Variants in HLCS observed in about 807,000 individuals in gnomAD.
HLCS encodes holocarboxylase synthetase, also known as biotin--protein ligase.
A neutral mutation model predicts 75.0 loss-of-function variants in HLCS; 53 were observed. The ratio of observed to expected loss-of-function variants is 0.71; its 90% confidence interval spans 0.57 to 0.89. HLCS has a LOEUF of 0.89. Among genes scored for constraint, HLCS ranks in the 40% least tolerant of loss-of-function variants. HLCS has a pLI of 0.00. For synonymous variants in HLCS, 431 were observed against 428.6 expected, an observed-to-expected ratio of 1.01 and a Z score of -0.07; for missense variants, 966 against 1,074.0, an observed-to-expected ratio of 0.90 and a Z score of 1.41.
intron 2 of HLCS, among the ~76,000 whole-genome samples, chr21:36,944,832 C>T (rs1471998796): frequency 1.3e-5 from 2 of 152,130 alleles, no homozygotes; most frequent in Admixed American, 1.3e-4. Flanking sequence ...AAATGTTGCA[C>T]TATTCCTTGG....
At chr21:36,801,088 C>A (rs917783717) in intron 6 of HLCS, among the ~76,000 whole-genome samples, 3 of 152,160 alleles carry the variant, frequency 2.0e-5, no homozygotes, top group African/African-American at 7.2e-5. Context: ...TGACATGGGA[C>A]ATGCCGGAAA....
chr21:36,848,222 C>CAATGTATG (rs1382539545), intron 6 of HLCS, among the ~76,000 whole-genome samples: 1 of 150,646 alleles, frequency 6.6e-6, no homozygotes, highest in Non-Finnish European at 1.5e-5. Context: ...TAATTCTGCA[C>CAATGTATG]AATGTATGAG....
intron 6 of HLCS, among the ~76,000 whole-genome samples, chr21:36,827,420 A>C (rs2062042698): frequency 6.6e-6 from 1 of 151,790 alleles, no homozygotes; most frequent in Non-Finnish European, 1.5e-5. Flanking sequence ...AATACAAAAA[A>C]AAAATTAGCC....
At chr21:36,989,951 C>A (rs1360739391) in intron 1 of HLCS, among the ~76,000 whole-genome samples, 1 of 152,040 alleles carries the variant, frequency 6.6e-6, no homozygotes, top group Non-Finnish European at 1.5e-5. Context: ...GCCGCGAGGT[C>A]CCTATGGCTG....
chr21:36,816,970 T>G (rs973141749), intron 6 of HLCS, among the ~76,000 whole-genome samples: 8 of 152,306 alleles, frequency 5.3e-5, no homozygotes, highest in Admixed American at 1.3e-4. Context: ...CAGATCCCAG[T>G]AAGACTTTCA....
intron 6 of HLCS, among the ~76,000 whole-genome samples, chr21:36,886,106 T>TG: frequency 1.3e-5 from 2 of 151,790 alleles, no homozygotes; most frequent in Admixed American, 1.3e-4. Flanking sequence ...CCTCAAAAGA[T>TG]GAAGACTGCC....
rs886057072 is a variant in HLCS at position 36,753,467 on chromosome 21, T to A, written c.*779A>T. ...ACCTCCTCATCCAAGTGATGCCTAATCAGACATTTAAGGATTCTGAACTTG... is the reference window on the plus strand; with the variant it reads ...ACCTCCTCATCCAAGTGATGCCTAAACAGACATTTAAGGATTCTGAACTTG... On this transcript the variant is annotated 3_prime_UTR_variant, in exon 11 of 11. Coordinates refer to ENST00000674895, the MANE Select transcript of HLCS (RefSeq NM_001352514.2). This position sits in a 1 kb window ranked among gnomAD's most constrained non-coding sequence, Gnocchi z 4.3. 4 of 152,288 alleles carry A rather than the reference T, an allele frequency of 2.6e-5. No homozygotes were observed. The highest frequency in any genetic ancestry group is 4.8e-5 in the African/African-American group (2 of 41,470). 9.4% of individuals were successfully genotyped at this position (152,288 alleles called of 1,614,324 possible).
At chr21:36,984,517 G>A (rs1386482717) in intron 1 of HLCS, among the ~76,000 whole-genome samples, 1 of 152,186 alleles carries the variant, frequency 6.6e-6, no homozygotes, top group Non-Finnish European at 1.5e-5. Flanking sequence ...AGACAGAACA[G>A]GAAGGTGTGA....
intron 5 of HLCS, among the ~76,000 whole-genome samples, chr21:36,899,063 G>GA (rs1421889426): frequency 6.6e-6 from 1 of 151,518 alleles, no homozygotes; most frequent in African/African-American, 2.4e-5. Context: ...CCTGTCTCAA[G>GA]AAAAAAAGGA....
chr21:36,892,005 GC>G (rs1376969903), intron 6 of HLCS, among the ~76,000 whole-genome samples: 7 of 152,148 alleles, frequency 4.6e-5, no homozygotes, highest in African/African-American at 1.7e-4. Flanking sequence ...GAGCGCTGAG[GC>G]CTTTAAAAGA....
chr21:36,763,400 G>GC (rs955113303), intron 8 of HLCS, among the ~76,000 whole-genome samples: 1 of 152,174 alleles, frequency 6.6e-6, no homozygotes, highest in African/African-American at 2.4e-5. Flanking sequence ...ATGGTGTGAT[G>GC]CCCCCAAACC....
chr21:36,780,214 CA>C (rs57693792), intron 6 of HLCS, among the ~76,000 whole-genome samples: 1 of 152,154 alleles, frequency 6.6e-6, no homozygotes, highest in African/African-American at 2.4e-5. Context: ...TGCTGGGGAG[CA>C]GCTGCAAATA....
intron 6 of HLCS, among the ~76,000 whole-genome samples, chr21:36,782,357 T>C (rs2060560632): frequency 6.6e-6 from 1 of 152,196 alleles, no homozygotes; most frequent in Non-Finnish European, 1.5e-5. Flanking sequence ...CAAATATCTT[T>C]GCACCTACAG....
intron 6 of HLCS, among the ~76,000 whole-genome samples, chr21:36,888,448 ATATATATATATATATAT>A (rs2064603934): frequency 0.021 from 567 of 26,492 alleles, 33 homozygotes; most frequent in Non-Finnish European, 0.027. Flanking sequence ...AAAAAAAAAT[ATATATATATATATATAT>A]ATATATATAT....
At chr21:36,888,439 A>T (rs2064573367) in intron 6 of HLCS, among the ~76,000 whole-genome samples, 2 of 32,212 alleles carry the variant, frequency 6.2e-5, no homozygotes, top group African/African-American at 2.1e-4. Context: ...ATTTAAAAAA[A>T]AAAAAAATAT....
intron 6 of HLCS, among the ~76,000 whole-genome samples, chr21:36,856,092 C>T (rs1200568464): frequency 6.6e-6 from 1 of 152,064 alleles, no homozygotes; most frequent in African/African-American, 2.4e-5. Flanking sequence ...GGAGTGACTG[C>T]TAATGGGTAC....
intron 5 of HLCS, among the ~76,000 whole-genome samples, chr21:36,907,365 G>A (rs1243028685): frequency 6.6e-6 from 1 of 152,150 alleles, no homozygotes; most frequent in Non-Finnish European, 1.5e-5. Flanking sequence ...TTCTTGAAGA[G>A]ATAATGCTGG....
chr21:36,855,442 G>A (rs997617685), intron 6 of HLCS, among the ~76,000 whole-genome samples: 2 of 151,200 alleles, frequency 1.3e-5, no homozygotes, highest in African/African-American at 4.9e-5. Flanking sequence ...GGAAGCTGAG[G>A]CAGGGGAACT....
intron 10 of HLCS, 108 bp from the exon 11 acceptor site, chr21:36,754,525 G>A: frequency 8.3e-7 from 1 of 1,205,494 alleles, no homozygotes; most frequent in East Asian, 2.5e-5. Context: ...CTGGGGAGAG[G>A]GCTGAGGCTC....
Sources: allele counts gnomAD v4.1 joint callset (sites outside exome capture counted in the v4.1 genomes callset), GRCh38; gene constraint gnomAD v4.1.1; non-coding constraint Gnocchi (gnomAD v3.1); transcripts MANE v1.5; gene names NCBI Gene and HGNC (gene_info 2026-07-23, HGNC 2026-07-21).